HS6ST3: variants seen among roughly 807,000 people sequenced by gnomAD.
The protein encoded by HS6ST3 is heparan-sulfate 6-O-sulfotransferase 3.
A neutral mutation model predicts 36.7 loss-of-function variants in HS6ST3; 12 were observed. That is an observed-to-expected ratio of 0.33 (90% CI 0.21 to 0.53). HS6ST3 has a LOEUF of 0.53. Ranked by LOEUF, HS6ST3 falls within the 20% of genes least tolerant of loss-of-function variation. HS6ST3 has a pLI of 0.95. For missense variants in HS6ST3, 584 were observed against 640.9 expected (o/e 0.91, Z 0.96); for synonymous variants, 240 against 257.5 (o/e 0.93, Z 0.65).
At chr13:96,104,060 T>C (rs2053830075) in intron 1 of HS6ST3, among the ~76,000 whole-genome samples, 1 of 152,012 alleles carries the variant, frequency 6.6e-6, no homozygotes, top group South Asian at 2.1e-4. Flanking sequence ...AGATAAATTA[T>C]AGCTACAGGT....
intron 1 of HS6ST3, among the ~76,000 whole-genome samples, chr13:96,706,932 G>A (rs1348098658): frequency 6.6e-6 from 1 of 152,090 alleles, no homozygotes; most frequent in Non-Finnish European, 1.5e-5. Context: ...CTTTGCATTA[G>A]AATAATCTGA....
intron 1 of HS6ST3, among the ~76,000 whole-genome samples, chr13:96,720,503 T>C (rs895550265): frequency 5.9e-5 from 9 of 152,052 alleles, no homozygotes; most frequent in Admixed American, 2.0e-4. Flanking sequence ...GAAAAAAAAA[T>C]GAAGAGAGAG....
chr13:96,525,490 C>G (rs2056110113), intron 1 of HS6ST3, among the ~76,000 whole-genome samples: 1 of 152,156 alleles, frequency 6.6e-6, no homozygotes, highest in African/African-American at 2.4e-5. Context: ...GTTATACTAG[C>G]TACTGACAAT....
chr13:96,665,061 A>G (rs2056658997), intron 1 of HS6ST3, among the ~76,000 whole-genome samples: 1 of 152,072 alleles, frequency 6.6e-6, no homozygotes, highest in South Asian at 2.1e-4. Flanking sequence ...AGTCCCAACT[A>G]CTCAGGAGGC....
At chr13:96,480,276 G>A (rs548651898) in intron 1 of HS6ST3, among the ~76,000 whole-genome samples, 25 of 152,156 alleles carry the variant, frequency 1.6e-4, no homozygotes, top group Non-Finnish European at 2.6e-4. Flanking sequence ...ACCACACCAG[G>A]CTAATTTTTG....
At chr13:96,469,252 C>T (rs1214195566) in intron 1 of HS6ST3, among the ~76,000 whole-genome samples, 1 of 152,006 alleles carries the variant, frequency 6.6e-6, no homozygotes, top group Admixed American at 6.6e-5. Context: ...AATTATCTTA[C>T]CATGAAATTA....
intron 1 of HS6ST3, among the ~76,000 whole-genome samples, chr13:96,600,631 T>C (rs1015935119): frequency 2.0e-5 from 3 of 152,142 alleles, no homozygotes; most frequent in African/African-American, 7.2e-5. Flanking sequence ...TGCCAATCTG[T>C]ACCTTTCAAA....
At chr13:96,448,578 C>A (rs1164597) in intron 1 of HS6ST3, among the ~76,000 whole-genome samples, 1 of 151,970 alleles carries the variant, frequency 6.6e-6, no homozygotes. Flanking sequence ...TGGTGATATC[C>A]GCCCTAAGCC....
Position 96,281,073 on chromosome 13 carries a change from C to G in HS6ST3, c.707+189504C>G, listed in dbSNP as rs911271365. ...CTAGGCTGGAGTGCAGTGGCACAAT[C>G]TCGGCTCACTGCAACCTCTGCCTCC... On this transcript the variant is annotated intron_variant, in intron 1 of 1. Coordinates refer to ENST00000376705, the MANE Select transcript of HS6ST3 (RefSeq NM_153456.4). Among the ~76,000 whole-genome samples the G allele has an allele frequency of 5.9e-5, 9 of 152,210 alleles. No individual in the cohort carries two copies. The East Asian group carries it at 1.2e-3, about 20-fold the overall frequency.
intron 1 of HS6ST3, among the ~76,000 whole-genome samples, chr13:96,679,576 C>T (rs1386517431): frequency 6.6e-6 from 1 of 152,104 alleles, no homozygotes; most frequent in Non-Finnish European, 1.5e-5. Flanking sequence ...AAGTAATTGC[C>T]CAATGCAGAG....
At chr13:96,368,516 A>G (rs1488307238) in intron 1 of HS6ST3, among the ~76,000 whole-genome samples, 1 of 151,372 alleles carries the variant, frequency 6.6e-6, no homozygotes, top group Admixed American at 6.6e-5. Flanking sequence ...TTTTTTTAAA[A>G]AAAAAACATA....
At chr13:96,129,283 T>C (rs2053965530) in intron 1 of HS6ST3, among the ~76,000 whole-genome samples, 1 of 152,224 alleles carries the variant, frequency 6.6e-6, no homozygotes, top group Non-Finnish European at 1.5e-5. Flanking sequence ...ATTCTGGCCA[T>C]GGTTCTGCAA....
intron 1 of HS6ST3, among the ~76,000 whole-genome samples, chr13:96,474,200 C>T (rs548670125): frequency 3.0e-4 from 45 of 152,224 alleles, no homozygotes; most frequent in Non-Finnish European, 4.9e-4. Context: ...CTTAATGTTA[C>T]GGCTCTGCAT....
At chr13:96,211,652 T>G (rs1472618182) in intron 1 of HS6ST3, among the ~76,000 whole-genome samples, 2 of 152,210 alleles carry the variant, frequency 1.3e-5, no homozygotes. Context: ...AATCTTCATT[T>G]TCTTCTCTTC....
At chr13:96,196,585 G>C (rs1429754107) in intron 1 of HS6ST3, among the ~76,000 whole-genome samples, 1 of 152,120 alleles carries the variant, frequency 6.6e-6, no homozygotes, top group Non-Finnish European at 1.5e-5. Context: ...GCTGTGCTTT[G>C]AGGAGCATGC....
chr13:96,211,132 A>G (rs2054397043), intron 1 of HS6ST3, among the ~76,000 whole-genome samples: 1 of 152,140 alleles, frequency 6.6e-6, no homozygotes, highest in African/African-American at 2.4e-5. Context: ...GGGTTTCACC[A>G]TGTTGGCTAG....
intron 1 of HS6ST3, among the ~76,000 whole-genome samples, chr13:96,709,586 A>C (rs1459997068): frequency 1.3e-5 from 2 of 152,178 alleles, no homozygotes; most frequent in Non-Finnish European, 2.9e-5. Flanking sequence ...GGAAGAAACA[A>C]GAGAGAGATG....
At chr13:96,809,027 G>A (rs1291551514) in intron 1 of HS6ST3, among the ~76,000 whole-genome samples, 1 of 152,086 alleles carries the variant, frequency 6.6e-6, no homozygotes, top group East Asian at 1.9e-4. Flanking sequence ...AGCAAACAAA[G>A]CAAAACAAAA....
At chr13:96,275,363 C>T (rs1402854864) in intron 1 of HS6ST3, among the ~76,000 whole-genome samples, 1 of 152,128 alleles carries the variant, frequency 6.6e-6, no homozygotes, top group Non-Finnish European at 1.5e-5. Flanking sequence ...TGTCATTACT[C>T]TTTGAGCTTT....
Sources: gnomAD v4.1 joint callset for allele counts (sites outside exome capture counted in the v4.1 genomes callset) on GRCh38, gnomAD v4.1.1 for gene constraint, MANE v1.5 for transcripts, NCBI Gene and HGNC (gene_info 2026-07-23, HGNC 2026-07-21) for gene names.